Variants in RBFOX1 observed in about 807,000 individuals in gnomAD.
The protein encoded by RBFOX1 is RNA binding fox-1 homolog 1.
Under a neutral mutation model 57.7 loss-of-function variants are expected in RBFOX1, and 8 were observed. The ratio of observed to expected loss-of-function variants is 0.14; its 90% CI spans 0.08 to 0.25. RBFOX1 has a LOEUF of 0.25. Ranked by LOEUF, RBFOX1 falls within the 10% of genes least tolerant of loss-of-function variation. The pLI is 1.00. For missense variants in RBFOX1, 611 were observed against 548.5 expected, an observed-to-expected ratio of 1.11 and a Z score of -1.14; for synonymous variants, 326 against 222.4, an observed-to-expected ratio of 1.47 and a Z score of -4.15.
At chr16:7,006,713 G>C (rs8049670) in intron 3 of RBFOX1, among the ~76,000 whole-genome samples, 2 of 151,990 alleles carry the variant, frequency 1.3e-5, no homozygotes, top group African/African-American at 4.8e-5. Context: ...CTCCCAATGT[G>C]CTGGGATTAC....
chr16:5,783,443 G>C (rs559601464), intron 3 of RBFOX1, among the ~76,000 whole-genome samples: 3 of 151,882 alleles, frequency 2.0e-5, no homozygotes, highest in Non-Finnish European at 2.9e-5. Flanking sequence ...ATTTTTTCTT[G>C]TTTTGAGTAT....
chr16:7,117,981 C>A (rs535213822), intron 4 of RBFOX1, among the ~76,000 whole-genome samples: 1 of 152,288 alleles, frequency 6.6e-6, no homozygotes, highest in East Asian at 1.9e-4. Flanking sequence ...TAATCTTATG[C>A]AATCACTTAG....
intron 3 of RBFOX1, among the ~76,000 whole-genome samples, chr16:5,827,673 A>G (rs759221576): frequency 5.3e-5 from 8 of 152,184 alleles, no homozygotes; most frequent in Non-Finnish European, 1.0e-4. Flanking sequence ...TTTTAGTTAA[A>G]TTTTAGATGG....
intron 4 of RBFOX1, among the ~76,000 whole-genome samples, chr16:5,876,026 G>T (rs532262629): frequency 6.6e-6 from 1 of 152,112 alleles, no homozygotes; most frequent in East Asian, 1.9e-4. Context: ...TGTATTTTTA[G>T]TAGAGAAGGG....
intron 3 of RBFOX1, among the ~76,000 whole-genome samples, chr16:6,702,995 C>T (rs1016904182): frequency 9.9e-5 from 15 of 152,244 alleles, no homozygotes; most frequent in African/African-American, 3.4e-4. Flanking sequence ...GTTCTAGGTA[C>T]GTTATCTAAG....
chr16:5,715,507 T>C (rs1299026721), intron 3 of RBFOX1, among the ~76,000 whole-genome samples: 3 of 152,272 alleles, frequency 2.0e-5, no homozygotes, highest in Admixed American at 1.3e-4. Flanking sequence ...AGATGTATTA[T>C]GCTTCTCTAA....
intron 3 of RBFOX1, among the ~76,000 whole-genome samples, chr16:6,903,402 C>T (rs964228784): frequency 5.9e-5 from 9 of 152,178 alleles, no homozygotes; most frequent in Non-Finnish European, 8.8e-5. Flanking sequence ...GCCAGTTCTG[C>T]GCTCCAATTA....
intron 3 of RBFOX1, among the ~76,000 whole-genome samples, chr16:5,806,143 C>T (rs1249797567): frequency 6.6e-6 from 1 of 152,174 alleles, no homozygotes; most frequent in Non-Finnish European, 1.5e-5. Context: ...CTGTTACCTA[C>T]AATTCAGTTC....
intron 3 of RBFOX1, among the ~76,000 whole-genome samples, chr16:5,730,709 C>T (rs1469185833): frequency 1.3e-5 from 2 of 151,828 alleles, no homozygotes; most frequent in Non-Finnish European, 2.9e-5. Context: ...ATCATCATTA[C>T]CAGCTTATTA....
chr16:6,969,456 C>T (rs574611663), intron 3 of RBFOX1, among the ~76,000 whole-genome samples: 67 of 151,956 alleles, frequency 4.4e-4, no homozygotes, highest in African/African-American at 1.5e-3. Flanking sequence ...ATAAGGTGGC[C>T]GGGTGTGGTG....
Position 7,713,288 on chromosome 16 carries a change from A to T in RBFOX1, c.*2543A>T, listed in dbSNP as rs2084265949. 2 of 152,246 alleles carry T rather than the reference A, an allele frequency of 1.3e-5. No individual in the cohort carries two copies. Among genetic ancestry groups the T allele is most frequent in the Non-Finnish European group, 2.9e-5 (2 of 68,054 alleles). The allele number at this position is 152,246 out of a possible 1,614,324, so 9.4% of individuals were successfully genotyped here. A position where few individuals can be genotyped will look rare whatever the true frequency, so the allele number is the denominator to read the frequency against. On this transcript the variant is annotated 3_prime_UTR_variant, in exon 16 of 16. Coordinates refer to ENST00000550418, the MANE Select transcript of RBFOX1 (RefSeq NM_018723.4). ...ATATCACTTACAGTGGTTTGTGAAT[A>T]AAGAAAACTGGTTTGTAATATCAAA...
At chr16:7,599,516 A>G (rs1180480462) in intron 9 of RBFOX1, among the ~76,000 whole-genome samples, 1 of 152,176 alleles carries the variant, frequency 6.6e-6, no homozygotes, top group South Asian at 2.1e-4. Flanking sequence ...AATATGAGGT[A>G]TGCATTATGT....
intron 1 of RBFOX1, among the ~76,000 whole-genome samples, chr16:6,246,928 G>T (rs1357083225): frequency 6.6e-6 from 1 of 152,166 alleles, no homozygotes; most frequent in East Asian, 1.9e-4. Flanking sequence ...AAACTAGCCA[G>T]GTGTGGTGGC....
At chr16:5,651,836 A>G (rs1402848996) in intron 3 of RBFOX1, among the ~76,000 whole-genome samples, 2 of 152,200 alleles carry the variant, frequency 1.3e-5, no homozygotes, top group African/African-American at 4.8e-5. Context: ...GTAAACTAAT[A>G]ATAATAATGC....
At chr16:6,658,558 C>T (rs902665275) in intron 3 of RBFOX1, among the ~76,000 whole-genome samples, 6 of 152,152 alleles carry the variant, frequency 3.9e-5, no homozygotes, top group African/African-American at 1.4e-4. Context: ...TTTATCTGCG[C>T]ACAGTCTGGG....
At chr16:7,569,544 G>C (rs4786184) in intron 5 of RBFOX1, among the ~76,000 whole-genome samples, 13,324 of 152,168 alleles carry the variant, frequency 0.088, 1,372 homozygotes, top group African/African-American at 0.24. Context: ...AGGTAATCCA[G>C]GATAATCTAT....
intron 3 of RBFOX1, among the ~76,000 whole-genome samples, chr16:6,980,156 T>C (rs1329087520): frequency 6.6e-6 from 1 of 152,174 alleles, no homozygotes; most frequent in Non-Finnish European, 1.5e-5. Context: ...CCTCTTCAAT[T>C]AAGCCTCCGC....
At position 6,761,764 on chromosome 16, in the gene RBFOX1, T is replaced by G. The variant is rs371031941; in HGVS notation, c.-16+107114T>G. ...TTGTGATCCACCTGCCTCGGCCCCCTAAAGTGCTGGGATTACAGGCATGAG... is the reference window on the plus strand; with the variant it reads ...TTGTGATCCACCTGCCTCGGCCCCCGAAAGTGCTGGGATTACAGGCATGAG... On this transcript the variant is annotated intron_variant, in intron 3 of 15. Coordinates refer to ENST00000550418, the MANE Select transcript of RBFOX1 (RefSeq NM_018723.4). Among the ~76,000 whole-genome samples, 6 of 151,798 alleles carry G rather than the reference T, an allele frequency of 4.0e-5. No individual in the cohort carries two copies. In the South Asian group the frequency reaches 1.0e-3, roughly 26 times the overall value.
chr16:7,346,736 C>A (rs934209918), intron 4 of RBFOX1, among the ~76,000 whole-genome samples: 2 of 152,044 alleles, frequency 1.3e-5, no homozygotes, highest in African/African-American at 4.8e-5. Context: ...GTTGGGCTTC[C>A]TGTGGGTTGA....
Sources: allele counts gnomAD v4.1 joint callset (sites outside exome capture counted in the v4.1 genomes callset), GRCh38; gene constraint gnomAD v4.1.1; transcripts MANE v1.5; gene names NCBI Gene and HGNC (gene_info 2026-07-23, HGNC 2026-07-21).